Variants in TRPC4AP observed in about 807,000 individuals in gnomAD.
TRPC4AP encodes transient receptor potential cation channel subfamily C member 4 associated protein.
A neutral mutation model predicts 99.0 loss-of-function variants in TRPC4AP; 45 were observed. That is an observed-to-expected ratio of 0.45 (90% CI 0.36 to 0.58). The LOEUF is 0.58. TRPC4AP is among the 20% of genes least tolerant of loss of function. The pLI is 0.00. For missense variants in TRPC4AP, 879 were observed against 985.3 expected (o/e 0.89, Z 1.44); for synonymous variants, 408 against 385.8 (o/e 1.06, Z -0.67).
chr20:35,005,559 C>T lies in TRPC4AP; in HGVS notation c.1936+136G>A, dbSNP rs769506985. The T allele has an allele frequency of 6.2e-5, 44 of 704,292 alleles. 1 individual carries two copies. Among genetic ancestry groups the T allele is most frequent in the Admixed American group, 3.8e-4 (14 of 37,274 alleles). The allele number at this position is 704,292 out of a possible 1,614,324, so 43.6% of individuals were successfully genotyped here. ...CAGCAAAGCCAATTGCCCTGGAAGC[C>T]GCCACCTTGAGGCCGGCCACGTGGG... is the stretch of plus-strand genomic sequence containing the variant. On this transcript the variant is annotated intron_variant, in intron 16 of 18. Transcript: ENST00000252015.
intron 6 of TRPC4AP, among the ~76,000 whole-genome samples, chr20:35,046,470 T>C (rs182648904): frequency 2.0e-4 from 30 of 152,332 alleles, no homozygotes; most frequent in Admixed American, 3.3e-4. Context: ...TTTAATAATC[T>C]GTTCCTGCAT....
intron 3 of TRPC4AP, among the ~76,000 whole-genome samples, chr20:35,059,677 GA>G (rs2083929675): frequency 6.6e-6 from 1 of 150,802 alleles, no homozygotes; most frequent in Admixed American, 6.6e-5. Flanking sequence ...AAAAAAAGAA[GA>G]AGAAGAAGGA....
At chr20:35,060,898 A>C (rs1214639555) in intron 3 of TRPC4AP, among the ~76,000 whole-genome samples, 1 of 152,220 alleles carries the variant, frequency 6.6e-6, no homozygotes, top group African/African-American at 2.4e-5. Context: ...TTAACAGTGA[A>C]GACTAAATGC....
At chr20:35,086,736 TAA>T (rs1205469118) in intron 1 of TRPC4AP, among the ~76,000 whole-genome samples, 2 of 151,862 alleles carry the variant, frequency 1.3e-5, no homozygotes, top group African/African-American at 2.4e-5. Context: ...AAATTTTTTT[TAA>T]AAGTTAGTGA....
At chr20:35,058,557 G>A (rs1205823504) in intron 3 of TRPC4AP, among the ~76,000 whole-genome samples, 1 of 152,078 alleles carries the variant, frequency 6.6e-6, no homozygotes, top group African/African-American at 2.4e-5. Context: ...ATAATAATGG[G>A]CCAAAGAAGA....
chr20:35,007,698 G>A, intron 13 of TRPC4AP, 58 bp from the exon 14 acceptor site: 3 of 1,557,472 alleles, frequency 1.9e-6, no homozygotes. Context: ...CCCATGTTCA[G>A]TTCTCCAAGG....
chr20:35,057,812 A>T lies in TRPC4AP; in HGVS notation c.415-241T>A, dbSNP rs148116605. Among the ~76,000 whole-genome samples the T allele has an allele frequency of 4.6e-5, 7 of 152,230 alleles. No individual in the cohort carries two copies. The East Asian group carries it at 1.3e-3, about 29-fold the overall frequency. On this transcript the variant is annotated intron_variant, in intron 3 of 18. Transcript: ENST00000252015. ...CCTCAGCTTTCTCATTTTTGAAAAG[A>T]AGTATTTTAGATTAGGTAATCTCTG...
At position 35,037,216 on chromosome 20, in the gene TRPC4AP, A is replaced by G. The variant is rs1232546034; in HGVS notation, c.866-1908T>C. On this transcript the variant is annotated intron_variant, in intron 7 of 18. Transcript: ENST00000252015. ...CAAAAAATTAGCTGGGCGCGGTGGC[A>G]GGCGCCTGTAGTCCCAGCTACTTGG... is the stretch of plus-strand genomic sequence containing the variant. 2.0e-5 allele frequency among the ~76,000 whole-genome samples: 3 copies of G among 150,104 alleles called. No homozygotes were observed. The East Asian group carries it at 6.0e-4, about 30-fold the overall frequency.
intron 5 of TRPC4AP, among the ~76,000 whole-genome samples, chr20:35,052,515 T>C (rs1479357869): frequency 6.6e-6 from 1 of 152,158 alleles, no homozygotes; most frequent in Non-Finnish European, 1.5e-5. Context: ...TTTTATTTTT[T>C]GAGAGACCCT....
At position 35,092,768 on chromosome 20, in the gene TRPC4AP, G is replaced by C; in HGVS notation, c.14C>G (p.Pro5Arg). 1 of 1,539,392 alleles carries C rather than the reference G, an allele frequency of 6.5e-7. No homozygotes were observed. The highest frequency in any genetic ancestry group is 8.7e-7 in the Non-Finnish European group (1 of 1,155,276). ...GCCGGCTCCAGACCCAGCCGCTACC[G>C]GCGCCGCCGCCATGTCTCCTCGTCG... MAAA[P>R]VAAGSGAGRG... Residue 5 changes from proline to arginine, a missense_variant, in exon 1 of 19, where the codon CCG (proline) becomes CGG (arginine). Coordinates refer to ENST00000252015, the MANE Select transcript of TRPC4AP (RefSeq NM_015638.3).
At chr20:35,008,864 G>T in intron 12 of TRPC4AP, 117 bp from the exon 13 acceptor site, 2 of 923,056 alleles carry the variant, frequency 2.2e-6, no homozygotes, top group Non-Finnish European at 3.3e-6. Context: ...AAGTCTGCAG[G>T]ATGCCTTCCT....
chr20:35,068,758 G>C (rs2057324), intron 3 of TRPC4AP, among the ~76,000 whole-genome samples: 1 of 151,278 alleles, frequency 6.6e-6, no homozygotes, highest in African/African-American at 2.4e-5. Flanking sequence ...CTGACCTCAC[G>C]ATCCACCTGC....
At chr20:35,086,323 T>C (rs2084845204) in intron 1 of TRPC4AP, among the ~76,000 whole-genome samples, 1 of 151,934 alleles carries the variant, frequency 6.6e-6, no homozygotes, top group South Asian at 2.1e-4. Context: ...ACAATACATG[T>C]TAACCACTGA....
At chr20:35,069,808 C>T (rs1055766074) in intron 2 of TRPC4AP, among the ~76,000 whole-genome samples, 1 of 152,228 alleles carries the variant, frequency 6.6e-6, no homozygotes, top group South Asian at 2.1e-4. Context: ...GGATGTGGTG[C>T]TACACACCTG....
chr20:35,092,489 G>A (rs1182306683), intron 1 of TRPC4AP, 125 bp downstream of exon 1: 21 of 1,162,396 alleles, frequency 1.8e-5, no homozygotes, highest in Non-Finnish European at 1.8e-5. Flanking sequence ...CTCACAGGGA[G>A]GCCTTCCGGC....
chr20:35,044,894 CTTGT>C (rs1183196750), intron 6 of TRPC4AP, among the ~76,000 whole-genome samples, 182 bp from the exon 7 acceptor site: 1 of 152,056 alleles, frequency 6.6e-6, no homozygotes, highest in Non-Finnish European at 1.5e-5. Context: ...CGAGTCTTTG[CTTGT>C]TTATCTGTAA....
chr20:35,050,881 CA>C, intron 5 of TRPC4AP, among the ~76,000 whole-genome samples: 1 of 152,048 alleles, frequency 6.6e-6, no homozygotes, highest in East Asian at 1.9e-4. Context: ...CCTGTAATCC[CA>C]GCTACCCCGG....
rs1258530210 is a variant in TRPC4AP at position 35,003,263 on chromosome 20, T to C, written c.2277A>G (p.Ser759=). 5 of 1,613,970 alleles carry C rather than the reference T, an allele frequency of 3.1e-6. No homozygotes were observed. Among genetic ancestry groups the C allele is most frequent in the African/African-American group, 1.3e-5 (1 of 74,916 alleles). Residue 759 remains serine (S), a synonymous_variant, in exon 19 of 19, where the codon TCA becomes TCG. Transcript: ENST00000252015. ...GGATGGACACTGTCTCCTTCCAGTA[T>C]GAGAAGCTGATGCAGGAGCTCTGGG... ...CLENSSCISF[S]YWKETVSILL...
At chr20:35,007,482 G>A (rs1056146352) in intron 14 of TRPC4AP, 68 bp downstream of exon 14, 29 of 1,502,926 alleles carry the variant, frequency 1.9e-5, no homozygotes, top group Non-Finnish European at 2.5e-5. Context: ...TGGGGCTCAG[G>A]ACAGGACACA....
Sources: gnomAD v4.1 joint callset for allele counts (sites outside exome capture counted in the v4.1 genomes callset) on GRCh38, gnomAD v4.1.1 for gene constraint, MANE v1.5 for transcripts, NCBI Gene and HGNC (gene_info 2026-07-23, HGNC 2026-07-21) for gene names.